MAPT: variants seen among roughly 807,000 people sequenced by gnomAD.
MAPT encodes the protein microtubule associated protein tau.
In MAPT, 34 loss-of-function variants were observed where a neutral mutation model predicts 67.9. The ratio of observed to expected loss-of-function variants is 0.50; its 90% confidence interval spans 0.38 to 0.67. The LOEUF (loss-of-function observed/expected upper bound fraction) is 0.67. Among genes scored for constraint, MAPT ranks in the 30% least tolerant of loss-of-function variants. The pLI, the probability that MAPT is intolerant of heterozygous loss-of-function variation, is 0.00. For synonymous variants in MAPT, 456 were observed against 464.5 expected, an observed-to-expected ratio of 0.98 and a Z score of 0.23; for missense variants, 881 against 1,115.2, an observed-to-expected ratio of 0.79 and a Z score of 2.99.
Position 46,009,366 on chromosome 17 carries a change from T to TCG in MAPT, c.1999-944_1999-943insCG, listed in dbSNP as rs1226321379. 3.4e-4 allele frequency among the ~76,000 whole-genome samples: 38 copies of TCG among 113,018 alleles called. 2 individuals are homozygous for TCG. The highest frequency in any genetic ancestry group is 7.2e-4 in the South Asian group (3 of 4,140). The allele number at this position is 113,018 out of a possible 152,430, so 74.1% of individuals were successfully genotyped here. A position where few individuals can be genotyped will look rare whatever the true frequency, so the allele number is the denominator to read the frequency against. On this transcript the variant is annotated intron_variant, in intron 9 of 12. Coordinates refer to ENST00000262410, the MANE Select transcript of MAPT (RefSeq NM_001377265.1). ...ACCATGGTTTTCTATTTCATAGTTC[T>TCG]TAGGCAAATTGGTAAAAATCATTTC...
At chr17:45,990,545 G>A (rs1225898505) in intron 7 of MAPT, 1 of 435,276 alleles carries the variant, frequency 2.3e-6, no homozygotes, top group Non-Finnish European at 4.6e-6. Context: ...GAACCCCAGA[G>A]GCAGAGGTTG....
chr17:45,928,622 G>T (rs547871253), intron 1 of MAPT, among the ~76,000 whole-genome samples: 20 of 152,058 alleles, frequency 1.3e-4, no homozygotes, highest in African/African-American at 4.6e-4. Flanking sequence ...TCCACCCTAG[G>T]CCAATTGGAT....
chr17:45,926,968 CATATATGTGT>C (rs2066390512), intron 1 of MAPT, among the ~76,000 whole-genome samples: 1 of 149,310 alleles, frequency 6.7e-6, no homozygotes, highest in African/African-American at 2.5e-5. Context: ...TATATATATA[CATATATGTGT>C]ATATATATAC....
rs931890173 is a variant in MAPT, at chr17:46,010,244, G to A, written c.1999-66G>A. On this transcript the variant is annotated intron_variant, in intron 9 of 12. Transcript: ENST00000262410. The surrounding 1 kb of genome is among the most constrained non-coding windows in gnomAD (Gnocchi z 4.7). ...CATGTCACTCATCGAAAGTGGAGGC[G>A]TCCTTGCGAGCAAGCAGGCGGGTCC... 7.3e-6 allele frequency: 8 copies of A among 1,099,202 alleles called. No homozygotes were observed. The highest frequency in any genetic ancestry group is 2.7e-5 in the South Asian group (2 of 74,960). 68.1% of individuals were successfully genotyped at this position (1,099,202 alleles called of 1,614,324 possible).
chr17:45,900,553 A>G (rs2063548010), intron 1 of MAPT, among the ~76,000 whole-genome samples: 1 of 152,168 alleles, frequency 6.6e-6, no homozygotes, highest in Non-Finnish European at 1.5e-5. Flanking sequence ...CAGGGACCCG[A>G]TAGAAATCCA....
At chr17:46,007,976 A>G (rs1157232362) in intron 9 of MAPT, among the ~76,000 whole-genome samples, 1 of 152,256 alleles carries the variant, frequency 6.6e-6, no homozygotes, top group Non-Finnish European at 1.5e-5. Context: ...AGTGGAATCA[A>G]TACAAATGTT....
chr17:46,012,890 C>T (rs2075915215), intron 10 of MAPT, among the ~76,000 whole-genome samples: 1 of 152,158 alleles, frequency 6.6e-6, no homozygotes, highest in Middle Eastern at 3.4e-3. Flanking sequence ...GCACAGCTCT[C>T]TCCAAGCCAG....
chr17:45,898,864 G>A (rs1256031812), intron 1 of MAPT: 18 of 152,168 alleles, frequency 1.2e-4, no homozygotes, highest in Admixed American at 1.2e-3. Flanking sequence ...AATACAGTGG[G>A]AAGCAGGTGG....
chr17:45,920,665 T>C (rs1249553785), intron 1 of MAPT, among the ~76,000 whole-genome samples: 1 of 152,160 alleles, frequency 6.6e-6, no homozygotes, highest in African/African-American at 2.4e-5. Context: ...TCTGGGGTGG[T>C]TGTATGGGTC....
Position 46,010,065 on chromosome 17 carries a change from A to G in MAPT, c.1999-245A>G, listed in dbSNP as rs2075717023. On this transcript the variant is annotated intron_variant, in intron 9 of 12. Transcript: ENST00000262410. The surrounding 1 kb of genome is among the most constrained non-coding windows in gnomAD (Gnocchi z 4.7). ...TCCCAGCTTCGTAAAGCCCGCTGGA[A>G]ATCACTCACACTTCTGGGATGCCTT... Among the ~76,000 whole-genome samples, 1 of 152,168 alleles carries G rather than the reference A, an allele frequency of 6.6e-6. No homozygotes were observed. The highest frequency in any genetic ancestry group is 2.1e-4 in the South Asian group (1 of 4,828).
Position 45,989,932 on chromosome 17 carries a change from A to G in MAPT, c.1462A>G (p.Lys488Glu). ...GAAAAATAGGCCTTGCCTTAGCCCC[A>G]AACACCCCACTCCTGGTAGCTCAGA... ...TLKNRPCLSPKHPTPGSSDPL... is the reference protein window; with the variant it reads ...TLKNRPCLSPEHPTPGSSDPL... Residue 488 changes from lysine to glutamate, a missense_variant, in exon 7 of 13, where the codon AAA (lysine) becomes GAA (glutamate). Around this residue, in one of 6 missense-constraint regions of MAPT, gnomAD observed 687 missense variants for 766.1 expected, o/e 0.90. Transcript: ENST00000262410. The G allele has an allele frequency of 6.2e-7, 1 of 1,614,136 alleles. No individual in the cohort carries two copies. Among genetic ancestry groups the G allele is most frequent in the Non-Finnish European group, 8.5e-7 (1 of 1,180,022 alleles).
intron 1 of MAPT, among the ~76,000 whole-genome samples, chr17:45,904,984 A>G (rs1451247465): frequency 2.0e-5 from 3 of 152,144 alleles, no homozygotes; most frequent in Non-Finnish European, 2.9e-5. Context: ...TTGCCAGGAA[A>G]CATCAGGAAT....
chr17:45,943,583 G>A (rs2068188691), intron 1 of MAPT, among the ~76,000 whole-genome samples: 2 of 152,150 alleles, frequency 1.3e-5, no homozygotes, highest in Middle Eastern at 3.4e-3. Flanking sequence ...TCCCCTCCCT[G>A]TCTTCCTTGT....
chr17:45,961,215 AAAT>A (rs1268605071), intron 1 of MAPT, among the ~76,000 whole-genome samples: 2 of 152,356 alleles, frequency 1.3e-5, no homozygotes, highest in South Asian at 2.1e-4. Flanking sequence ...ATTATTTTTA[AAAT>A]AATAATAATT....
At chr17:46,007,327 A>G (rs1420422733) in intron 9 of MAPT, among the ~76,000 whole-genome samples, 3 of 152,016 alleles carry the variant, frequency 2.0e-5, no homozygotes, top group Non-Finnish European at 4.4e-5. Flanking sequence ...ATCACAAAGA[A>G]TTTTTAAAAA....
At chr17:45,925,707 A>G (rs983790205) in intron 1 of MAPT, among the ~76,000 whole-genome samples, 4 of 152,248 alleles carry the variant, frequency 2.6e-5, no homozygotes, top group Non-Finnish European at 5.9e-5. Context: ...TCTGACATAA[A>G]AGAGCATGAG....
intron 9 of MAPT, chr17:45,999,698 G>C: frequency 6.5e-7 from 1 of 1,532,916 alleles, no homozygotes; most frequent in Non-Finnish European, 8.8e-7. Context: ...AGGTTATGAC[G>C]TCACCATGCT....
At position 46,014,199 on chromosome 17, in the gene MAPT, T is replaced by G. The variant is rs759789372; in HGVS notation, c.2092-44T>G. ...TCCTTTTTGTCTCTCTGTCTTCCTCTCTCTCTGCCTTTCCTCTTCTCTCTC... is the reference window on the plus strand; with the variant it reads ...TCCTTTTTGTCTCTCTGTCTTCCTCGCTCTCTGCCTTTCCTCTTCTCTCTC... On this transcript the variant is annotated intron_variant, in intron 10 of 12. Coordinates refer to ENST00000262410, the MANE Select transcript of MAPT (RefSeq NM_001377265.1). The G allele has an allele frequency of 1.5e-5, 17 of 1,112,320 alleles. No homozygotes were observed. In the Admixed American group the frequency reaches 2.9e-4, roughly 19 times the overall value. The allele number at this position is 1,112,320 out of a possible 1,614,324, so 68.9% of individuals were successfully genotyped here.
At position 45,955,008 on chromosome 17, in the gene MAPT, CA is replaced by C. The variant is rs371204124; in HGVS notation, c.-17-7304del. 6.0e-3 allele frequency among the ~76,000 whole-genome samples: 916 copies of C among 151,446 alleles called. 8 individuals carry two copies. The highest frequency in any genetic ancestry group is 0.02 in the African/African-American group (847 of 41,344). ...TCAAAAACAAAAACAAAAACAAAAA[CA>C]AAAAAAAATTATAATGAAAGCCAAG... On this transcript the variant is annotated intron_variant, in intron 1 of 12. Coordinates refer to ENST00000262410, the MANE Select transcript of MAPT (RefSeq NM_001377265.1).
Sources: allele counts gnomAD v4.1 joint callset (sites outside exome capture counted in the v4.1 genomes callset), GRCh38; gene constraint gnomAD v4.1.1; regional missense constraint gnomAD v4.1.1; non-coding constraint Gnocchi (gnomAD v3.1); transcripts MANE v1.5; gene names NCBI Gene and HGNC (gene_info 2026-07-23, HGNC 2026-07-21).